Variants in CACNA1C observed in about 807,000 individuals in gnomAD.
CACNA1C encodes calcium voltage-gated channel subunit alpha1 C.
A neutral mutation model predicts 229.0 loss-of-function variants in CACNA1C; 30 were observed. The observed-to-expected ratio is 0.13, with a 90% CI of 0.10 to 0.18. The LOEUF (loss-of-function observed/expected upper bound fraction) is 0.18. Among genes scored for constraint, CACNA1C ranks in the 10% least tolerant of loss-of-function variants. CACNA1C has a pLI of 1.00. For synonymous variants in CACNA1C, 1,114 were observed against 1,132.5 expected, an observed-to-expected ratio of 0.98 and a Z score of 0.33; for missense variants, 1,658 against 2,845.0, an observed-to-expected ratio of 0.58 and a Z score of 9.49.
intron 9 of CACNA1C, among the ~76,000 whole-genome samples, chr12:2,539,214 C>T (rs113672860): frequency 4.6e-5 from 6 of 129,350 alleles, no homozygotes; most frequent in African/African-American, 8.7e-5. Context: ...TTGAGGAGGG[C>T]TTCATAAAGA....
intron 1 of CACNA1C, among the ~76,000 whole-genome samples, chr12:2,101,556 C>T (rs1241025952): frequency 2.6e-5 from 4 of 152,246 alleles, no homozygotes; most frequent in South Asian, 2.1e-4. Flanking sequence ...CCGTGAGCTC[C>T]GAGCCTCAGG....
intron 3 of CACNA1C, among the ~76,000 whole-genome samples, chr12:2,168,899 G>A (rs1466038035): frequency 2.0e-5 from 3 of 152,100 alleles, no homozygotes; most frequent in African/African-American, 7.2e-5. Context: ...AGGAAAATGA[G>A]GCTTCCTGAG....
At chr12:2,574,166 A>G (rs2238090) in intron 13 of CACNA1C, among the ~76,000 whole-genome samples, 87,878 of 152,094 alleles carry the variant, frequency 0.58, 27,683 homozygotes, top group East Asian at 0.74. Flanking sequence ...ATTCCTGCTC[A>G]TTGAAAACAG....
rs1294061279 is a variant in CACNA1C, at chr12:2,145,296, C to CT, written c.477+24874dup. On this transcript the variant is annotated intron_variant, in intron 3 of 46. Coordinates refer to ENST00000399655, the MANE Select transcript of CACNA1C (RefSeq NM_000719.7). The stretch of plus-strand genomic sequence containing the variant: ...TTGGAAGAGCTTCCTGCCTGAATAA[C>CT]TTTTTTTTCTTTTCATTTTCTCCAG... 9.9e-5 allele frequency among the ~76,000 whole-genome samples: 15 copies of CT among 150,952 alleles called. 2 individuals carry two copies. Among genetic ancestry groups the CT allele is most frequent in the East Asian group, 1.9e-4 (1 of 5,186 alleles).
intron 9 of CACNA1C, among the ~76,000 whole-genome samples, chr12:2,537,397 T>C (rs1415039797): frequency 6.6e-6 from 1 of 152,230 alleles, no homozygotes; most frequent in Non-Finnish European, 1.5e-5. Context: ...GTTACCTCAG[T>C]TAATGTATGT....
chr12:2,189,586 G>A (rs2097150592), intron 3 of CACNA1C, among the ~76,000 whole-genome samples: 1 of 152,174 alleles, frequency 6.6e-6, no homozygotes, highest in Admixed American at 6.5e-5. Context: ...CTTCCAAAGG[G>A]CAGCTTCCAG....
intron 3 of CACNA1C, among the ~76,000 whole-genome samples, chr12:2,428,311 TG>T (rs1240548208): frequency 1.3e-5 from 2 of 152,198 alleles, no homozygotes; most frequent in Non-Finnish European, 1.5e-5. Flanking sequence ...CTGCTGGCCT[TG>T]GGTCCTCCCC....
chr12:2,550,267 T>G (rs568586640), intron 10 of CACNA1C, among the ~76,000 whole-genome samples: 23 of 152,196 alleles, frequency 1.5e-4, no homozygotes, highest in African/African-American at 5.5e-4. Flanking sequence ...ATTCATCACT[T>G]CTTCGGGGGT....
chr12:2,293,364 G>A (rs926831661), intron 3 of CACNA1C, among the ~76,000 whole-genome samples: 2 of 152,190 alleles, frequency 1.3e-5, no homozygotes, highest in African/African-American at 2.4e-5. Flanking sequence ...GATGCAGGGA[G>A]TGGAATAAAC....
In CACNA1C at chr12:2,389,717, A is replaced by G. The variant is rs758319233; in HGVS notation, c.478-59259A>G. On this transcript the variant is annotated intron_variant, in intron 3 of 46. Coordinates refer to ENST00000399655, the MANE Select transcript of CACNA1C (RefSeq NM_000719.7). ...CTCCATTTTTCTCTTCCTTGGCAGA[A>G]TTTTAGAAGAAGCCTCCTGTCACCA... 2.4e-4 allele frequency among the ~76,000 whole-genome samples: 36 copies of G among 152,116 alleles called. 1 individual carries two copies. The highest frequency in any genetic ancestry group is 4.6e-4 in the Non-Finnish European group (31 of 68,038).
chr12:2,336,921 G>A (rs896497367), intron 3 of CACNA1C, among the ~76,000 whole-genome samples: 2 of 152,188 alleles, frequency 1.3e-5, no homozygotes, highest in Non-Finnish European at 2.9e-5. Context: ...GACACCGCAA[G>A]AAAAGGTGGC....
chr12:2,548,480 C>T (rs1051785357), intron 9 of CACNA1C, among the ~76,000 whole-genome samples: 1 of 152,220 alleles, frequency 6.6e-6, no homozygotes, highest in Non-Finnish European at 1.5e-5. Context: ...CACATCCCTT[C>T]TCTGGCCTCA....
At chr12:2,554,394 G>C (rs1450215150) in intron 10 of CACNA1C, among the ~76,000 whole-genome samples, 2 of 152,124 alleles carry the variant, frequency 1.3e-5, no homozygotes, top group South Asian at 4.1e-4. Context: ...TCAAGAATCC[G>C]CTCAACCTGA....
At chr12:2,449,829 T>C (rs1381327205) in intron 4 of CACNA1C, among the ~76,000 whole-genome samples, 1 of 152,202 alleles carries the variant, frequency 6.6e-6, no homozygotes, top group Non-Finnish European at 1.5e-5. Flanking sequence ...TGAGCACATT[T>C]GGGGCAGCTC....
chr12:2,207,472 G>C (rs2097784948), intron 3 of CACNA1C, among the ~76,000 whole-genome samples: 1 of 152,116 alleles, frequency 6.6e-6, no homozygotes, highest in Non-Finnish European at 1.5e-5. Context: ...TAGGAAATTG[G>C]CTTTGAGTTG....
chr12:2,592,703 ATTTTT>A lies in CACNA1C; in HGVS notation c.2531-493_2531-489del, dbSNP rs55789235. ...GCCCTGTTATCTCGACAGCACATGA[ATTTTT>A]TTTTTTTTTTTTTTTTAGTTGCAGA... On this transcript the variant is annotated intron_variant, in intron 18 of 46. Coordinates refer to ENST00000399655, the MANE Select transcript of CACNA1C (RefSeq NM_000719.7). Among the ~76,000 whole-genome samples the A allele has an allele frequency of 1.2e-4, 16 of 131,596 alleles. 1 individual carries two copies. The highest frequency in any genetic ancestry group is 7.6e-5 in the Admixed American group (1 of 13,142). 86.3% of individuals were successfully genotyped at this position (131,596 alleles called of 152,430 possible).
intron 18 of CACNA1C, among the ~76,000 whole-genome samples, chr12:2,592,662 T>A (rs1290672642): frequency 1.3e-5 from 2 of 151,980 alleles, no homozygotes; most frequent in Non-Finnish European, 2.9e-5. Context: ...AAGGGCCTGC[T>A]GTGGTCAGTA....
intron 5 of CACNA1C, among the ~76,000 whole-genome samples, chr12:2,478,015 G>A (rs1456590137): frequency 1.3e-5 from 2 of 152,034 alleles, no homozygotes; most frequent in Non-Finnish European, 2.9e-5. Flanking sequence ...ACTTAGTGGT[G>A]ACTATTGGAC....
At chr12:2,237,505 C>T (rs1170963691) in intron 3 of CACNA1C, among the ~76,000 whole-genome samples, 1 of 152,188 alleles carries the variant, frequency 6.6e-6, no homozygotes, top group Non-Finnish European at 1.5e-5. Context: ...ATGCAGTAGC[C>T]TGGCCACGTG....
Sources: gnomAD v4.1 joint callset for allele counts (sites outside exome capture counted in the v4.1 genomes callset) on GRCh38, gnomAD v4.1.1 for gene constraint, MANE v1.5 for transcripts, NCBI Gene and HGNC (gene_info 2026-07-23, HGNC 2026-07-21) for gene names.